ZBTB7C: variants seen among roughly 807,000 people sequenced by gnomAD.
ZBTB7C encodes the protein zinc finger and BTB domain-containing protein 7C.
A neutral mutation model predicts 25.7 loss-of-function variants in ZBTB7C; 8 were observed. The observed-to-expected ratio is 0.31, with a 90% CI of 0.18 to 0.56. The LOEUF (loss-of-function observed/expected upper bound fraction) is 0.56. Ranked by LOEUF, ZBTB7C falls within the 20% of genes least tolerant of loss-of-function variation. ZBTB7C has a pLI of 0.91. For synonymous variants in ZBTB7C, 394 were observed against 369.0 expected (o/e 1.07, Z -0.78); for missense variants, 824 against 855.2 (o/e 0.96, Z 0.46).
intron 1 of ZBTB7C, among the ~76,000 whole-genome samples, chr18:48,367,347 C>CATATATATATATATATATATATATAT (rs58569472): frequency 2.9e-4 from 13 of 44,836 alleles, no homozygotes; most frequent in African/African-American, 7.6e-4. Context: ...TATATGTGTG[C>CATATATATATATATATATATATATAT]ATATATATAT....
At chr18:48,081,539 A>G (rs1190532950) in intron 3 of ZBTB7C, among the ~76,000 whole-genome samples, 4 of 151,642 alleles carry the variant, frequency 2.6e-5, no homozygotes, top group Non-Finnish European at 5.9e-5. Context: ...GCTCACTGCA[A>G]GCTCCGCCTC....
chr18:48,334,697 G>A (rs181030849), intron 2 of ZBTB7C, among the ~76,000 whole-genome samples: 3 of 152,272 alleles, frequency 2.0e-5, no homozygotes, highest in Admixed American at 6.5e-5. Context: ...GCCATATTTC[G>A]TGACAATAAG....
intron 3 of ZBTB7C, among the ~76,000 whole-genome samples, chr18:48,082,913 C>G (rs559861883): frequency 6.6e-6 from 1 of 152,276 alleles, no homozygotes; most frequent in South Asian, 2.1e-4. Context: ...AGTCAGGCCT[C>G]ATGTCCTGGA....
intron 3 of ZBTB7C, among the ~76,000 whole-genome samples, chr18:48,066,101 C>T (rs1222337368): frequency 6.6e-6 from 1 of 152,248 alleles, no homozygotes; most frequent in Non-Finnish European, 1.5e-5. Context: ...GCCAGCCAGG[C>T]ATCATCTCCT....
At position 48,029,466 on chromosome 18, in the gene ZBTB7C, C is replaced by T. The variant is rs758871407; in HGVS notation, c.1654G>A (p.Glu552Lys). 7 of 1,597,112 alleles carry T rather than the reference C, an allele frequency of 4.4e-6. No individual in the cohort carries two copies. The highest frequency in any genetic ancestry group is 1.1e-5 in the South Asian group (1 of 89,832). ...LSLQELERQF[E>K]ETQMKLFGRA... ...CCGAACAGCTTCATCTGTGTCTCCT[C>T]GAACTGCCGCTCCAGCTCTTGCAGG... Residue 552 changes from glutamate (E) to lysine (K), a missense_variant, in exon 5 of 5, where the codon GAG becomes AAG. Glu to Lys is a moderately conservative substitution (Grantham distance 56). Around this residue, in one of 4 missense-constraint regions of ZBTB7C, gnomAD observed 342 missense variants for 307.0 expected, o/e 1.11. Transcript: ENST00000590800.
At position 48,281,795 on chromosome 18, in the gene ZBTB7C, A is replaced by C. The variant is rs1374149354; in HGVS notation, c.-79+56379T>G. On this transcript the variant is annotated intron_variant, in intron 2 of 4. Coordinates refer to ENST00000590800, the MANE Select transcript of ZBTB7C (RefSeq NM_001318841.2). ...CACACCAGTTAGAATGGCAATCATTAAAAAGTCAGGAAACAACAGGTGCTG... is the reference window on the plus strand; with the variant it reads ...CACACCAGTTAGAATGGCAATCATTCAAAAGTCAGGAAACAACAGGTGCTG... Among the ~76,000 whole-genome samples, 957 of 151,036 alleles carry C rather than the reference A, an allele frequency of 6.3e-3. 8 individuals are homozygous for C. Among genetic ancestry groups the C allele is most frequent in the African/African-American group, 0.021 (879 of 41,000 alleles).
intron 3 of ZBTB7C, among the ~76,000 whole-genome samples, chr18:48,071,039 T>A (rs1023205864): frequency 6.6e-6 from 1 of 152,246 alleles, no homozygotes; most frequent in Non-Finnish European, 1.5e-5. Context: ...GTCATACTGC[T>A]TTTCACATCT....
chr18:48,035,569 C>T (rs569594239), intron 4 of ZBTB7C, among the ~76,000 whole-genome samples: 25 of 152,238 alleles, frequency 1.6e-4, no homozygotes, highest in Admixed American at 1.4e-3. Flanking sequence ...TCACAGGGCC[C>T]AGGGCCAGGC....
chr18:48,190,735 C>T (rs1357577723), intron 2 of ZBTB7C, among the ~76,000 whole-genome samples: 3 of 152,138 alleles, frequency 2.0e-5, no homozygotes, highest in East Asian at 3.9e-4. Context: ...AGAGGCAGGC[C>T]CTGAGCTGAG....
At chr18:48,051,115 C>G (rs959525786) in intron 3 of ZBTB7C, among the ~76,000 whole-genome samples, 1 of 152,138 alleles carries the variant, frequency 6.6e-6, no homozygotes, top group Non-Finnish European at 1.5e-5. Context: ...GCCACCTCTT[C>G]AACCCTTTCT....
intron 2 of ZBTB7C, among the ~76,000 whole-genome samples, chr18:48,333,753 C>T (rs1234496669): frequency 5.9e-5 from 9 of 152,110 alleles, no homozygotes; most frequent in East Asian, 1.9e-4. Flanking sequence ...CTAAAGGGGG[C>T]GGGGGCTCTC....
intron 2 of ZBTB7C, among the ~76,000 whole-genome samples, chr18:48,226,030 C>T (rs1160440759): frequency 4.6e-5 from 7 of 152,128 alleles, no homozygotes; most frequent in Non-Finnish European, 8.8e-5. Flanking sequence ...CATAAGCCAC[C>T]GCGCCCAGCC....
At chr18:48,260,773 T>C (rs1270248296) in intron 2 of ZBTB7C, among the ~76,000 whole-genome samples, 1 of 152,208 alleles carries the variant, frequency 6.6e-6, no homozygotes, top group Non-Finnish European at 1.5e-5. Context: ...TAAGACCTTA[T>C]CTGAAAAGCC....
intron 3 of ZBTB7C, among the ~76,000 whole-genome samples, chr18:48,066,026 T>A (rs1052032824): frequency 6.6e-6 from 1 of 152,198 alleles, no homozygotes; most frequent in African/African-American, 2.4e-5. Flanking sequence ...GCTTCTTGTG[T>A]GAGGAAGCCC....
chr18:48,066,535 A>G (rs149846370), intron 3 of ZBTB7C, among the ~76,000 whole-genome samples: 230 of 152,308 alleles, frequency 1.5e-3, no homozygotes, highest in Middle Eastern at 3.4e-3. Context: ...AGCAGCCACA[A>G]AATTATAGAT....
chr18:48,223,313 C>T (rs991795820), intron 2 of ZBTB7C, among the ~76,000 whole-genome samples: 1 of 152,008 alleles, frequency 6.6e-6, no homozygotes, highest in Non-Finnish European at 1.5e-5. Context: ...GGTGAAAATT[C>T]CCCCCATACC....
intron 1 of ZBTB7C, among the ~76,000 whole-genome samples, chr18:48,384,075 G>A (rs1412642603): frequency 6.6e-6 from 1 of 152,216 alleles, no homozygotes; most frequent in Admixed American, 6.5e-5. Context: ...CCAGTGGGAA[G>A]AAGTCAGGAG....
At chr18:48,383,969 G>T (rs2047690491) in intron 1 of ZBTB7C, among the ~76,000 whole-genome samples, 1 of 152,226 alleles carries the variant, frequency 6.6e-6, no homozygotes, top group Admixed American at 6.5e-5. Flanking sequence ...TTAGGGATCA[G>T]AACTAGTGGG....
chr18:48,202,202 G>A (rs937199997), intron 2 of ZBTB7C, among the ~76,000 whole-genome samples: 2 of 152,218 alleles, frequency 1.3e-5, no homozygotes, highest in Admixed American at 1.3e-4. Flanking sequence ...GCAGGACATG[G>A]ACATTGCCTT....
Sources: gnomAD v4.1 joint callset for allele counts (sites outside exome capture counted in the v4.1 genomes callset) on GRCh38, gnomAD v4.1.1 for gene constraint, gnomAD v4.1.1 regional missense constraint, MANE v1.5 for transcripts, NCBI Gene and HGNC (gene_info 2026-07-23, HGNC 2026-07-21) for gene names.